The following XKR6 variants were observed in gnomAD, a reference collection of about 807,000 sequenced individuals.
XKR6 encodes the protein XK-related protein 6.
XKR6 carries 22 observed loss-of-function variants against 56.7 expected under a neutral mutation model. The observed-to-expected ratio is 0.39, with a 90% confidence interval of 0.28 to 0.55. XKR6 has a LOEUF of 0.55. XKR6 is among the 20% of genes least tolerant of loss of function. XKR6 has a pLI of 0.66. For missense variants in XKR6, 852 were observed against 889.0 expected (o/e 0.96, Z 0.53); for synonymous variants, 524 against 387.8 (o/e 1.35, Z -4.13).
rs1804237985 is a variant in XKR6 at position 11,201,414 on chromosome 8, GA to G, written c.-76del. ...GGGGGGGAAGAAGGCAGGGAACGGGGAGGGGGGGAAACGAATGGAGAGGAAG... is the reference window on the plus strand; with the variant it reads ...GGGGGGGAAGAAGGCAGGGAACGGGGGGGGGGGAAACGAATGGAGAGGAAG... On this transcript the variant is annotated 5_prime_UTR_variant, in exon 1 of 3. Transcript: ENST00000416569. 4 of 404,744 alleles carry G rather than the reference GA, an allele frequency of 9.9e-6. No individual in the cohort carries two copies. Among genetic ancestry groups the G allele is most frequent in the Admixed American group, 4.4e-5 (1 of 22,708 alleles). 25.1% of individuals were successfully genotyped at this position (404,744 alleles called of 1,614,324 possible).
chr8:11,148,871 A>G (rs889918804), intron 1 of XKR6, among the ~76,000 whole-genome samples: 6 of 152,242 alleles, frequency 3.9e-5, no homozygotes, highest in Non-Finnish European at 8.8e-5. Flanking sequence ...ACCACACAAC[A>G]ACATGAATGA....
rs1563350379 is a variant in XKR6, at chr8:11,021,212, G to T, written c.765-96382C>A. On this transcript the variant is annotated intron_variant, in intron 1 of 2. Coordinates refer to ENST00000416569, the MANE Select transcript of XKR6 (RefSeq NM_173683.4). ...AGACACTGCAGCCTCTTACAGGAAG[G>T]CACTGCAGGTCTCACAGGGAGAGGA... 2.0e-5 allele frequency among the ~76,000 whole-genome samples: 3 copies of T among 152,184 alleles called. No individual in the cohort carries two copies. In the South Asian group the frequency reaches 6.2e-4, roughly 32 times the overall value.
intron 1 of XKR6, among the ~76,000 whole-genome samples, chr8:10,994,741 GA>G (rs1196585670): frequency 1.3e-5 from 2 of 152,208 alleles, no homozygotes; most frequent in Admixed American, 1.3e-4. Context: ...TATCGATGAG[GA>G]AACTAACTCG....
chr8:10,909,156 ACT>A (rs1221925270), intron 2 of XKR6, among the ~76,000 whole-genome samples: 2 of 131,212 alleles, frequency 1.5e-5, no homozygotes, highest in Non-Finnish European at 3.1e-5. Context: ...ACAGAGCAAG[ACT>A]CTGTCTCAAA....
At chr8:11,185,132 G>C (rs1803203480) in intron 1 of XKR6, among the ~76,000 whole-genome samples, 1 of 152,148 alleles carries the variant, frequency 6.6e-6, no homozygotes, top group African/African-American at 2.4e-5. Context: ...AGTGTGCCCT[G>C]TGATGGGATG....
chr8:11,153,726 T>A (rs572831692), intron 1 of XKR6, among the ~76,000 whole-genome samples: 172 of 152,336 alleles, frequency 1.1e-3, no homozygotes, highest in African/African-American at 4.0e-3. Flanking sequence ...ATCTCAGTAA[T>A]GAGATCTCCA....
At chr8:11,141,743 C>A (rs1800709180) in intron 1 of XKR6, among the ~76,000 whole-genome samples, 2 of 152,040 alleles carry the variant, frequency 1.3e-5, no homozygotes, top group South Asian at 4.2e-4. Flanking sequence ...GTCTCCATAG[C>A]CCTTGACTGG....
intron 1 of XKR6, among the ~76,000 whole-genome samples, chr8:10,937,768 C>T (rs1586327087): frequency 6.6e-6 from 1 of 151,038 alleles, no homozygotes; most frequent in East Asian, 1.9e-4. Flanking sequence ...TCTCAGATCT[C>T]CAGCTGCGTG....
chr8:11,035,367 T>C (rs1799114363), intron 1 of XKR6: 1 of 532,464 alleles, frequency 1.9e-6, no homozygotes, highest in Non-Finnish European at 3.9e-6. Context: ...GATCAAATCA[T>C]GAATGGGGCT....
intron 1 of XKR6, among the ~76,000 whole-genome samples, chr8:10,969,192 T>C (rs1802322885): frequency 1.3e-5 from 2 of 152,272 alleles, no homozygotes; most frequent in African/African-American, 4.8e-5. Context: ...GCAGGGATCC[T>C]GAAGCAGGTG....
chr8:10,976,475 C>T (rs947795855), intron 1 of XKR6, among the ~76,000 whole-genome samples: 2 of 152,200 alleles, frequency 1.3e-5, no homozygotes, highest in Non-Finnish European at 2.9e-5. Flanking sequence ...CCAGATACGC[C>T]TGCAGGTGCC....
intron 1 of XKR6, among the ~76,000 whole-genome samples, chr8:11,084,380 T>C (rs1238294910): frequency 6.6e-6 from 1 of 152,212 alleles, no homozygotes; most frequent in East Asian, 1.9e-4. Flanking sequence ...GCTTTAAGGC[T>C]GAATCACTTA....
At chr8:11,183,926 A>G (rs926662581) in intron 1 of XKR6, among the ~76,000 whole-genome samples, 2 of 152,170 alleles carry the variant, frequency 1.3e-5, no homozygotes, top group African/African-American at 4.8e-5. Context: ...TGCTTTATAC[A>G]ATGCCAACAA....
intron 1 of XKR6, among the ~76,000 whole-genome samples, chr8:11,182,181 G>C (rs1193486109): frequency 6.6e-6 from 1 of 152,228 alleles, no homozygotes; most frequent in Non-Finnish European, 1.5e-5. Context: ...CTAGGGACTT[G>C]GGCTCCAAAA....
intron 1 of XKR6, among the ~76,000 whole-genome samples, chr8:11,048,494 G>T (rs1160853708): frequency 6.6e-6 from 1 of 152,152 alleles, no homozygotes; most frequent in Non-Finnish European, 1.5e-5. Flanking sequence ...ATACCAGACA[G>T]CAAGGACACC....
At chr8:10,962,878 C>A (rs937312092) in intron 1 of XKR6, among the ~76,000 whole-genome samples, 1 of 152,200 alleles carries the variant, frequency 6.6e-6, no homozygotes, top group Non-Finnish European at 1.5e-5. Context: ...CCGCCTCGGC[C>A]TCCCAAAGTG....
At chr8:11,151,843 C>T (rs1422742474) in intron 1 of XKR6, among the ~76,000 whole-genome samples, 1 of 151,900 alleles carries the variant, frequency 6.6e-6, no homozygotes, top group Middle Eastern at 3.2e-3. Flanking sequence ...AGGGGAAGAA[C>T]AATTAATAAA....
At chr8:11,178,652 AAT>A (rs1167924798) in intron 1 of XKR6, among the ~76,000 whole-genome samples, 1 of 132,810 alleles carries the variant, frequency 7.5e-6, no homozygotes, top group African/African-American at 3.6e-5. Context: ...CATACACACA[AAT>A]ATATATATAT....
intron 1 of XKR6, chr8:11,137,724 G>C (rs967326233): frequency 2.2e-6 from 1 of 456,204 alleles, no homozygotes. Flanking sequence ...AAATAGGAAA[G>C]AAGAAAACCA....
Sources: allele counts gnomAD v4.1 joint callset (sites outside exome capture counted in the v4.1 genomes callset), GRCh38; gene constraint gnomAD v4.1.1; transcripts MANE v1.5; gene names NCBI Gene and HGNC (gene_info 2026-07-23, HGNC 2026-07-21).